The following MYZAP variants were observed in gnomAD, a reference collection of about 807,000 sequenced individuals.
MYZAP encodes myocardial zonula adherens protein.
Under a neutral mutation model 69.4 loss-of-function variants are expected in MYZAP, and 66 were observed. That is an observed-to-expected ratio of 0.95 (90% CI 0.78 to 1.17). The LOEUF is 1.17. Among genes scored for constraint, MYZAP ranks in the 50% most tolerant of loss-of-function variants. MYZAP has a pLI of 0.00. For synonymous variants in MYZAP, 256 were observed against 205.9 expected, an observed-to-expected ratio of 1.24 and a Z score of -2.09; for missense variants, 611 against 556.2, an observed-to-expected ratio of 1.10 and a Z score of -0.99.
chr15:57,603,343 G>A (rs1401782021), intron 1 of MYZAP, among the ~76,000 whole-genome samples: 1 of 151,896 alleles, frequency 6.6e-6, no homozygotes, highest in Non-Finnish European at 1.5e-5. Flanking sequence ...ATGTACTTGT[G>A]AGATTTACCA....
intron 11 of MYZAP, among the ~76,000 whole-genome samples, chr15:57,664,495 T>C (rs1484372517): frequency 6.6e-6 from 1 of 152,180 alleles, no homozygotes; most frequent in African/African-American, 2.4e-5. Flanking sequence ...TTGCTAATTG[T>C]GGATGATAGC....
chr15:57,647,184 C>T, intron 10 of MYZAP: 1 of 985,396 alleles, frequency 1.0e-6, no homozygotes. Context: ...GATGCTTCTA[C>T]CCAGCTTAAG....
At chr15:57,644,150 G>A (rs2037319948) in intron 10 of MYZAP, among the ~76,000 whole-genome samples, 1 of 152,190 alleles carries the variant, frequency 6.6e-6, no homozygotes, top group Non-Finnish European at 1.5e-5. Context: ...AGCCAGGATT[G>A]AGAATCGCTG....
intron 10 of MYZAP, among the ~76,000 whole-genome samples, chr15:57,658,403 T>G (rs2038110893): frequency 6.6e-6 from 1 of 152,212 alleles, no homozygotes; most frequent in Non-Finnish European, 1.5e-5. Context: ...CAACCTGCAA[T>G]AACATTTTCC....
At chr15:57,647,988 A>C in intron 10 of MYZAP, 1 of 985,378 alleles carries the variant, frequency 1.0e-6, no homozygotes, top group African/African-American at 1.7e-5. Flanking sequence ...CTCCAAGGCT[A>C]CAGCTCTGTC....
At chr15:57,659,810 TA>T (rs2038190245) in intron 10 of MYZAP, among the ~76,000 whole-genome samples, 1 of 152,208 alleles carries the variant, frequency 6.6e-6, no homozygotes, top group Non-Finnish European at 1.5e-5. Context: ...CTTTCAAAGT[TA>T]AACCTATGTA....
intron 10 of MYZAP, chr15:57,646,122 T>A: frequency 7.8e-7 from 1 of 1,288,364 alleles, no homozygotes; most frequent in Non-Finnish European, 1.0e-6. Flanking sequence ...ATCCACTCAA[T>A]TGAACTGTCT....
chr15:57,659,579 T>C (rs549453780), intron 10 of MYZAP, among the ~76,000 whole-genome samples: 1 of 152,320 alleles, frequency 6.6e-6, no homozygotes, highest in East Asian at 1.9e-4. Flanking sequence ...GTGTTACTGC[T>C]AACAATCTTC....
At chr15:57,684,052 C>G (rs1448988504) in intron 12 of MYZAP, among the ~76,000 whole-genome samples, 1 of 152,026 alleles carries the variant, frequency 6.6e-6, no homozygotes, top group Non-Finnish European at 1.5e-5. Context: ...CCTCGGCCTT[C>G]CAAAGTGCTG....
intron 10 of MYZAP, among the ~76,000 whole-genome samples, chr15:57,653,327 C>T (rs4322609): frequency 0.97 from 148,231 of 152,298 alleles, 72,273 homozygotes; most frequent in East Asian, 1. Context: ...CGCAAGGAAA[C>T]AGCTTGAAGT....
intron 11 of MYZAP, among the ~76,000 whole-genome samples, chr15:57,663,807 C>T (rs997984797): frequency 6.6e-6 from 1 of 151,986 alleles, no homozygotes; most frequent in Non-Finnish European, 1.5e-5. Context: ...ATAAGCAAGA[C>T]TTTGAAAACC....
chr15:57,606,383 A>G (rs2034748347), intron 2 of MYZAP, among the ~76,000 whole-genome samples: 1 of 152,218 alleles, frequency 6.6e-6, no homozygotes, highest in African/African-American at 2.4e-5. Flanking sequence ...ATTCTGCAAA[A>G]CAATTGGCCT....
intron 5 of MYZAP, among the ~76,000 whole-genome samples, chr15:57,627,353 AAGAG>A (rs1396747671): frequency 6.0e-5 from 8 of 132,804 alleles, no homozygotes; most frequent in African/African-American, 2.2e-4. Flanking sequence ...GAGAAACAGA[AAGAG>A]AGAGACAAAG....
intron 1 of MYZAP, among the ~76,000 whole-genome samples, chr15:57,603,531 GTCTC>G (rs1232086456): frequency 2.6e-5 from 4 of 151,982 alleles, no homozygotes; most frequent in African/African-American, 9.7e-5. Context: ...TCCACTTTCT[GTCTC>G]TATGATTTTG....
chr15:57,639,615 C>A, intron 10 of MYZAP, 70 bp downstream of exon 10: 1 of 1,529,872 alleles, frequency 6.5e-7, no homozygotes. Context: ...CAGAACAAGT[C>A]TGCCTTGCCC....
intron 11 of MYZAP, among the ~76,000 whole-genome samples, chr15:57,667,730 G>C (rs139340232): frequency 1.3e-5 from 2 of 152,138 alleles, no homozygotes; most frequent in East Asian, 3.9e-4. Flanking sequence ...TATCAACTTA[G>C]TTATTTATTA....
At chr15:57,608,585 G>T (rs1284483610) in intron 2 of MYZAP, among the ~76,000 whole-genome samples, 1 of 152,186 alleles carries the variant, frequency 6.6e-6, no homozygotes, top group Non-Finnish European at 1.5e-5. Flanking sequence ...CAAATGCACA[G>T]CTTCCTCATC....
intron 2 of MYZAP, among the ~76,000 whole-genome samples, chr15:57,614,348 C>T (rs2035297060): frequency 6.6e-6 from 1 of 152,230 alleles, no homozygotes; most frequent in Admixed American, 6.5e-5. Flanking sequence ...GATAGGGAAG[C>T]AGGGCTTCCC....
At chr15:57,638,087 C>T (rs1310682039) in intron 9 of MYZAP, among the ~76,000 whole-genome samples, 6 of 152,190 alleles carry the variant, frequency 3.9e-5, no homozygotes, top group African/African-American at 1.4e-4. Flanking sequence ...GATGAGAAAA[C>T]TCATCAGCTG....
Sources: gnomAD v4.1 joint callset for allele counts (sites outside exome capture counted in the v4.1 genomes callset) on GRCh38, gnomAD v4.1.1 for gene constraint, MANE v1.5 for transcripts, NCBI Gene and HGNC (gene_info 2026-07-23, HGNC 2026-07-21) for gene names.